Variants in XPO4 observed in about 807,000 individuals in gnomAD.
XPO4 encodes the protein exportin 4.
Under a neutral mutation model 143.0 loss-of-function variants are expected in XPO4, and 39 were observed. That is an observed-to-expected ratio of 0.27 (90% CI 0.21 to 0.36). The LOEUF is 0.36. XPO4 is among the 10% of genes least tolerant of loss of function. The pLI is 1.00. For synonymous variants in XPO4, 439 were observed against 474.0 expected (o/e 0.93, Z 0.96); for missense variants, 907 against 1,348.0 (o/e 0.67, Z 5.12).
rs1472021217 is a variant in XPO4, at chr13:20,781,274, CA to C, written c.*2447del. On this transcript the variant is annotated 3_prime_UTR_variant, in exon 23 of 23. Transcript: ENST00000255305. ...AGAAGTTAATAAACACAGCTAAAGA[CA>C]AAATTGGACAAAATAAAACAAAAGA... 6.6e-6 allele frequency: 1 copy of C among 152,324 alleles called. No individual in the cohort carries two copies. The highest frequency in any genetic ancestry group is 1.5e-5 in the Non-Finnish European group (1 of 67,976). The allele number at this position is 152,324 out of a possible 1,614,324, so 9.4% of individuals were successfully genotyped here.
chr13:20,810,667 A>G (rs2059570807), intron 9 of XPO4, among the ~76,000 whole-genome samples: 1 of 152,216 alleles, frequency 6.6e-6, no homozygotes. Flanking sequence ...AGACAAGTAG[A>G]TAAGATTAGG....
In XPO4 at chr13:20,800,421, T is replaced by C. The variant is rs186283827; in HGVS notation, c.1978-96A>G. 358 of 1,183,752 alleles carry C rather than the reference T, an allele frequency of 3.0e-4. 3 individuals are homozygous for C. The East Asian group carries it at 7.5e-3, about 25-fold the overall frequency. The allele number at this position is 1,183,752 out of a possible 1,614,324, so 73.3% of individuals were successfully genotyped here. A position where few individuals can be genotyped will look rare whatever the true frequency, so the allele number is the denominator to read the frequency against. On this transcript the variant is annotated intron_variant, in intron 14 of 22. Transcript: ENST00000255305. ...ATCGAACTGAAATTAGTATCTAATC[T>C]GAAGTAGTGCTTACTTCACATCAAC...
chr13:20,857,553 C>T (rs1015902282), intron 3 of XPO4, among the ~76,000 whole-genome samples: 2 of 151,868 alleles, frequency 1.3e-5, no homozygotes, highest in African/African-American at 4.8e-5. Flanking sequence ...CGGTGAAACC[C>T]CGTCTCTACT....
At chr13:20,856,351 T>C (rs1244965896) in intron 3 of XPO4, 1 of 985,320 alleles carries the variant, frequency 1.0e-6, no homozygotes, top group East Asian at 1.1e-4. Flanking sequence ...TGTTCATATC[T>C]AGGTTCTGTT....
At chr13:20,798,370 T>C (rs2059385619) in intron 16 of XPO4, among the ~76,000 whole-genome samples, 1 of 152,128 alleles carries the variant, frequency 6.6e-6, no homozygotes, top group Non-Finnish European at 1.5e-5. Flanking sequence ...AGATTTTCCC[T>C]CATAGCCTTC....
At chr13:20,809,060 G>A in intron 11 of XPO4, 23 bp downstream of exon 11, 1 of 1,603,940 alleles carries the variant, frequency 6.2e-7, no homozygotes, top group South Asian at 1.1e-5. Flanking sequence ...TTGCTCCATG[G>A]GGTTTCTTTG....
At chr13:20,879,009 C>T in intron 1 of XPO4, 1 of 778,176 alleles carries the variant, frequency 1.3e-6, no homozygotes, top group Non-Finnish European at 1.6e-6. Context: ...TTAAGTGCAT[C>T]ACTGAGCTTA....
At chr13:20,784,404 T>C (rs1053064692) in intron 22 of XPO4, among the ~76,000 whole-genome samples, 3 of 152,108 alleles carry the variant, frequency 2.0e-5, no homozygotes, top group Non-Finnish European at 2.9e-5. Context: ...CAGGAGTCTT[T>C]TGGGAGGACG....
At chr13:20,865,948 T>C (rs1219317669) in intron 2 of XPO4, 2 of 824,076 alleles carry the variant, frequency 2.4e-6, no homozygotes, top group South Asian at 5.5e-5. Context: ...GACTTTTTGG[T>C]GGTTTATTAT....
chr13:20,849,035 C>T (rs565920092), intron 4 of XPO4: 30 of 985,360 alleles, frequency 3.0e-5, no homozygotes, highest in Middle Eastern at 5.2e-4. Flanking sequence ...TGAAAAAATG[C>T]CCTTCAGAGA....
At chr13:20,850,188 A>G (rs1380445134) in intron 4 of XPO4, 1 of 985,088 alleles carries the variant, frequency 1.0e-6, no homozygotes, top group Non-Finnish European at 1.2e-6. Flanking sequence ...ATATTGTTTG[A>G]GAGAAAAACA....
intron 9 of XPO4, among the ~76,000 whole-genome samples, chr13:20,820,314 A>G (rs1398710857): frequency 6.6e-6 from 1 of 152,232 alleles, no homozygotes; most frequent in Non-Finnish European, 1.5e-5. Context: ...TTCTGCACTT[A>G]AAATTTGCAA....
At position 20,780,547 on chromosome 13, in the gene XPO4, TC is replaced by T. The variant is rs1184259457; in HGVS notation, c.*3174del. The T allele has an allele frequency of 3.3e-5, 5 of 152,304 alleles. No individual in the cohort carries two copies. The highest frequency in any genetic ancestry group is 9.6e-5 in the African/African-American group (4 of 41,566). 9.4% of individuals were successfully genotyped at this position (152,304 alleles called of 1,614,324 possible). On this transcript the variant is annotated 3_prime_UTR_variant, in exon 23 of 23. Transcript: ENST00000255305. ...GGGAAATGATATAGATACTTGCTTT[TC>T]AAATGAAAATCATGGACAAGTGGTA...
chr13:20,902,032 T>C, intron 1 of XPO4: 3 of 968,896 alleles, frequency 3.1e-6, no homozygotes, highest in Non-Finnish European at 3.7e-6. Context: ...AAGAGTAGCA[T>C]AGACTCAGTT....
intron 3 of XPO4, among the ~76,000 whole-genome samples, chr13:20,859,594 C>T (rs536707213): frequency 3.4e-5 from 5 of 147,240 alleles, no homozygotes; most frequent in African/African-American, 1.0e-4. Context: ...ACCGAGACTC[C>T]GTCTCAAAAA....
chr13:20,845,995 AAATT>A (rs1312711008), intron 4 of XPO4, among the ~76,000 whole-genome samples: 1 of 152,236 alleles, frequency 6.6e-6, no homozygotes, highest in Non-Finnish European at 1.5e-5. Context: ...CTAAAAAAGG[AAATT>A]AATTTCTGAA....
At chr13:20,879,507 C>T (rs1258951032) in intron 1 of XPO4, among the ~76,000 whole-genome samples, 4 of 152,128 alleles carry the variant, frequency 2.6e-5, no homozygotes, top group Non-Finnish European at 4.4e-5. Context: ...TGTCTATGTA[C>T]CTAGGCACTT....
chr13:20,902,133 G>A (rs963546344), intron 1 of XPO4: 1 of 985,356 alleles, frequency 1.0e-6, no homozygotes, highest in Non-Finnish European at 1.2e-6. Flanking sequence ...CCTCCCTCCA[G>A]CCGGCCCGGC....
intron 10 of XPO4, among the ~76,000 whole-genome samples, chr13:20,809,433 G>A (rs968549334): frequency 2.0e-5 from 3 of 152,106 alleles, no homozygotes; most frequent in Non-Finnish European, 2.9e-5. Flanking sequence ...AAACATACAA[G>A]AGCAAGAAGT....
Sources: allele counts gnomAD v4.1 joint callset (sites outside exome capture counted in the v4.1 genomes callset), GRCh38; gene constraint gnomAD v4.1.1; transcripts MANE v1.5; gene names NCBI Gene and HGNC (gene_info 2026-07-23, HGNC 2026-07-21).